Variants in DAB1 observed in about 807,000 individuals in gnomAD.
DAB1 encodes the protein disabled homolog 1.
DAB1 carries 15 observed loss-of-function variants against 64.6 expected under a neutral mutation model. The ratio of observed to expected loss-of-function variants is 0.23; its 90% CI spans 0.16 to 0.36. The LOEUF is 0.36. DAB1 is among the 10% of genes least tolerant of loss of function. DAB1 has a pLI of 1.00. For missense variants in DAB1, 596 were observed against 706.7 expected, an observed-to-expected ratio of 0.84 and a Z score of 1.78; for synonymous variants, 235 against 251.9, an observed-to-expected ratio of 0.93 and a Z score of 0.64.
chr1:57,416,954 C>T (rs1279813436), intron 1 of DAB1, among the ~76,000 whole-genome samples: 2 of 151,984 alleles, frequency 1.3e-5, no homozygotes, highest in African/African-American at 2.4e-5. Flanking sequence ...TATAAATGTC[C>T]TTTATTTCAG....
intron 9 of DAB1, among the ~76,000 whole-genome samples, chr1:57,030,763 G>A (rs753658404): frequency 3.3e-5 from 5 of 152,164 alleles, no homozygotes; most frequent in Non-Finnish European, 7.3e-5. Flanking sequence ...TCTTTAGCAC[G>A]TTAGCAATAT....
At chr1:57,034,666 A>G (rs1647081331) in intron 9 of DAB1, among the ~76,000 whole-genome samples, 1 of 152,234 alleles carries the variant, frequency 6.6e-6, no homozygotes, top group Non-Finnish European at 1.5e-5. Context: ...CTTAATGGCC[A>G]TGTTCTAGTC....
At chr1:58,272,844 T>G (rs1228961048) in intron 4 of DAB1, among the ~76,000 whole-genome samples, 1 of 145,088 alleles carries the variant, frequency 6.9e-6, no homozygotes, top group Non-Finnish European at 1.5e-5. Flanking sequence ...CTGCCTTTTT[T>G]TGTTTTCCAT....
intron 2 of DAB1, among the ~76,000 whole-genome samples, chr1:57,260,974 T>C (rs1670137463): frequency 6.6e-6 from 1 of 152,210 alleles, no homozygotes; most frequent in African/African-American, 2.4e-5. Context: ...TATTAACCTC[T>C]CTGTGCCTCA....
At chr1:57,054,387 G>A (rs1429208751) in intron 9 of DAB1, among the ~76,000 whole-genome samples, 1 of 151,362 alleles carries the variant, frequency 6.6e-6, no homozygotes, top group Non-Finnish European at 1.5e-5. Flanking sequence ...ATGTTCAATG[G>A]TTAACAGGGT....
At chr1:57,148,277 G>T (rs1031476884) in intron 2 of DAB1, among the ~76,000 whole-genome samples, 3 of 152,186 alleles carry the variant, frequency 2.0e-5, no homozygotes, top group African/African-American at 7.2e-5. Flanking sequence ...CAAGGGCAGA[G>T]ATTAATAAGA....
intron 1 of DAB1, among the ~76,000 whole-genome samples, chr1:57,835,104 G>A (rs1172631388): frequency 1.3e-5 from 2 of 152,176 alleles, no homozygotes; most frequent in Non-Finnish European, 2.9e-5. Context: ...ATGTGGCTAG[G>A]GTGTAGGGTG....
At chr1:57,886,827 G>C (rs1034553266), upstream of DAB1, among the ~76,000 whole-genome samples, 1 of 152,124 alleles carries the variant, frequency 6.6e-6, no homozygotes, top group Non-Finnish European at 1.5e-5. Flanking sequence ...AATCTCTCCA[G>C]GCACGTATTT....
chr1:57,496,557 G>A (rs771275185), intron 7 of DAB1, among the ~76,000 whole-genome samples: 1 of 152,122 alleles, frequency 6.6e-6, no homozygotes, highest in Non-Finnish European at 1.5e-5. Flanking sequence ...ATCCTGACAG[G>A]AGGCTCTCCT....
intron 1 of DAB1, among the ~76,000 whole-genome samples, chr1:57,403,496 A>T (rs1570458003): frequency 6.6e-6 from 1 of 152,220 alleles, no homozygotes; most frequent in South Asian, 2.1e-4. Context: ...AGAATAAGCT[A>T]GACTTTTGTC....
chr1:57,773,973 GT>G (rs1359484156), intron 6 of DAB1, among the ~76,000 whole-genome samples: 1 of 151,938 alleles, frequency 6.6e-6, no homozygotes, highest in Non-Finnish European at 1.5e-5. Flanking sequence ...TATTTTGGCT[GT>G]TTTAGGTCTT....
intron 6 of DAB1, among the ~76,000 whole-genome samples, chr1:57,705,402 A>C (rs140921465): frequency 3.9e-5 from 6 of 152,214 alleles, no homozygotes; most frequent in South Asian, 2.1e-4. Context: ...AGTTTAGTCT[A>C]TTTACATATG....
At chr1:57,490,810 C>T (rs1426229326) in intron 7 of DAB1, among the ~76,000 whole-genome samples, 1 of 152,198 alleles carries the variant, frequency 6.6e-6, no homozygotes, top group Non-Finnish European at 1.5e-5. Flanking sequence ...ATTAAGTGGA[C>T]TTCAATGCCA....
chr1:58,265,482 T>C (rs1017816776), intron 4 of DAB1, among the ~76,000 whole-genome samples: 6 of 152,222 alleles, frequency 3.9e-5, no homozygotes, highest in African/African-American at 4.8e-5. Flanking sequence ...CCCACTTCCA[T>C]TGACATTGCA....
At chr1:57,095,146 G>C (rs947326124) in intron 4 of DAB1, among the ~76,000 whole-genome samples, 6 of 152,174 alleles carry the variant, frequency 3.9e-5, no homozygotes, top group Non-Finnish European at 4.4e-5. Context: ...TCTGCATTGA[G>C]TTTACCGTAG....
intron 7 of DAB1, among the ~76,000 whole-genome samples, chr1:57,549,971 G>C (rs1644896310): frequency 6.6e-6 from 1 of 152,270 alleles, no homozygotes; most frequent in African/African-American, 2.4e-5. Flanking sequence ...TCTGAGAAGA[G>C]AGTTCCCAGA....
At chr1:57,120,198 C>T (rs1656509007) in intron 4 of DAB1, among the ~76,000 whole-genome samples, 1 of 152,092 alleles carries the variant, frequency 6.6e-6, no homozygotes, top group Admixed American at 6.6e-5. Context: ...AGTAAGGTCA[C>T]TACTTATCTC....
At chr1:58,126,433 G>A (rs576673985) in intron 5 of DAB1, among the ~76,000 whole-genome samples, 2 of 148,930 alleles carry the variant, frequency 1.3e-5, no homozygotes, top group South Asian at 4.3e-4. Context: ...CATTCAGAAG[G>A]GGCCAATCTT....
At chr1:58,187,476 A>G (rs752643594) in intron 4 of DAB1, among the ~76,000 whole-genome samples, 21 of 149,988 alleles carry the variant, frequency 1.4e-4, no homozygotes, top group Admixed American at 4.0e-4. Flanking sequence ...ACCCTGTCTG[A>G]AAAAAAAAGA....
Sources: gnomAD v4.1 joint callset for allele counts (sites outside exome capture counted in the v4.1 genomes callset) on GRCh38, gnomAD v4.1.1 for gene constraint, MANE v1.5 for transcripts, NCBI Gene and HGNC (gene_info 2026-07-23, HGNC 2026-07-21) for gene names.